The following DPF3 variants were observed in gnomAD, a reference collection of about 807,000 sequenced individuals.
The protein encoded by DPF3 is zinc finger protein DPF3.
DPF3 carries 18 observed loss-of-function variants against 56.8 expected under a neutral mutation model. That is an observed-to-expected ratio of 0.32 (90% CI 0.22 to 0.47). The LOEUF (loss-of-function observed/expected upper bound fraction) is 0.47, where lower values mean the gene tolerates loss of function less well. DPF3 is among the 20% of genes least tolerant of loss of function. DPF3 has a pLI of 1.00. For missense variants in DPF3, 403 were observed against 488.8 expected, an observed-to-expected ratio of 0.82 and a Z score of 1.65; for synonymous variants, 188 against 180.2, an observed-to-expected ratio of 1.04 and a Z score of -0.35.
intron 1 of DPF3, among the ~76,000 whole-genome samples, chr14:72,802,389 C>T (rs1191274060): frequency 6.6e-6 from 1 of 152,188 alleles, no homozygotes; most frequent in Non-Finnish European, 1.5e-5. Flanking sequence ...AGAGAGAACC[C>T]TTCACACAGC....
At chr14:72,795,912 T>C (rs1242437113) in intron 1 of DPF3, among the ~76,000 whole-genome samples, 1 of 152,222 alleles carries the variant, frequency 6.6e-6, no homozygotes, top group Non-Finnish European at 1.5e-5. Flanking sequence ...TTATAAACAA[T>C]TGCACTTTAT....
At chr14:72,881,155 G>T (rs1886306681) in intron 1 of DPF3, among the ~76,000 whole-genome samples, 1 of 152,214 alleles carries the variant, frequency 6.6e-6, no homozygotes, top group South Asian at 2.1e-4. Flanking sequence ...TGGAAGGCTG[G>T]GGTGAGCAGG....
chr14:72,758,179 A>C (rs990210779), intron 2 of DPF3, among the ~76,000 whole-genome samples: 3 of 152,234 alleles, frequency 2.0e-5, no homozygotes, highest in Admixed American at 6.5e-5. Flanking sequence ...GTTTCTGACT[A>C]AAATGGAGTA....
At chr14:72,825,467 C>G (rs1252055744) in intron 1 of DPF3, among the ~76,000 whole-genome samples, 1 of 152,252 alleles carries the variant, frequency 6.6e-6, no homozygotes, top group East Asian at 1.9e-4. Context: ...ACAGAGCACA[C>G]TCAAATTGTT....
chr14:72,713,168 C>T (rs1189105258), intron 6 of DPF3, among the ~76,000 whole-genome samples: 1 of 152,234 alleles, frequency 6.6e-6, no homozygotes, highest in Non-Finnish European at 1.5e-5. Context: ...ATGCCCTGCT[C>T]CTTCCTCATC....
intron 2 of DPF3, among the ~76,000 whole-genome samples, chr14:72,762,097 T>C (rs536364909): frequency 5.3e-5 from 8 of 151,972 alleles, no homozygotes; most frequent in South Asian, 4.1e-4. Context: ...ATGGATTCAC[T>C]GGTAAATGTT....
At position 72,674,257 on chromosome 14, in the gene DPF3, G is replaced by T; in HGVS notation, c.854C>A (p.Ala285Glu). Residue 285 changes from alanine (A) to glutamate (E), a missense_variant, in exon 8 of 11, where the codon GCA becomes GAA. Coordinates refer to ENST00000556509, the MANE Select transcript of DPF3 (RefSeq NM_001280542.3). ...ACACTCACCAGAGCGTCCACAGTCT[G>T]CGCAGGACACCAGCTCTTCAGGCCG... ...SGRPEELVSC[A>E]DCGRSGHPTC... is the part of the protein sequence containing the mutation. 1 of 1,612,826 alleles carries T rather than the reference G, an allele frequency of 6.2e-7. No individual in the cohort carries two copies. Among genetic ancestry groups the T allele is most frequent in the South Asian group, 1.1e-5 (1 of 90,686 alleles).
rs746586453 is a variant in DPF3 at position 72,847,221 on chromosome 14, G to A, written c.32+46836C>T. Among the ~76,000 whole-genome samples the A allele has an allele frequency of 7.2e-5, 11 of 152,172 alleles. No individual in the cohort carries two copies. In the South Asian group the frequency reaches 8.3e-4, roughly 11 times the overall value. On this transcript the variant is annotated intron_variant, in intron 1 of 10. Transcript: ENST00000556509. ...CTGAGCATTCACTCTGGACCAGACCGCGTCCTAAGAGCTTCACGTGTGTGG... is the reference window on the plus strand; with the variant it reads ...CTGAGCATTCACTCTGGACCAGACCACGTCCTAAGAGCTTCACGTGTGTGG...
At chr14:72,633,686 G>A (rs925123509) in intron 8 of DPF3, among the ~76,000 whole-genome samples, 2 of 152,110 alleles carry the variant, frequency 1.3e-5, no homozygotes, top group Non-Finnish European at 2.9e-5. Context: ...ATAATAACAC[G>A]CTTCAGTCAT....
At chr14:72,841,319 AG>A (rs1293986446) in intron 1 of DPF3, among the ~76,000 whole-genome samples, 4 of 152,202 alleles carry the variant, frequency 2.6e-5, no homozygotes, top group African/African-American at 9.7e-5. Flanking sequence ...GTTGTTTACA[AG>A]GAAAACTTAG....
intron 1 of DPF3, among the ~76,000 whole-genome samples, chr14:72,822,759 T>C (rs1444299803): frequency 6.6e-6 from 1 of 152,184 alleles, no homozygotes; most frequent in Non-Finnish European, 1.5e-5. Context: ...TTGAGTTTCT[T>C]AGAAGGAAGG....
chr14:72,846,481 G>T (rs952126377), intron 1 of DPF3, among the ~76,000 whole-genome samples: 1 of 151,884 alleles, frequency 6.6e-6, no homozygotes, highest in Non-Finnish European at 1.5e-5. Flanking sequence ...GACTACAGGC[G>T]CCCGCCACCA....
chr14:72,825,627 C>A (rs1219442191), intron 1 of DPF3, among the ~76,000 whole-genome samples: 1 of 152,198 alleles, frequency 6.6e-6, no homozygotes, highest in Non-Finnish European at 1.5e-5. Flanking sequence ...AAAGTCACAC[C>A]CTCAAGAAGG....
intron 1 of DPF3, among the ~76,000 whole-genome samples, chr14:72,877,582 T>C (rs1402889042): frequency 6.6e-6 from 1 of 152,138 alleles, no homozygotes; most frequent in Non-Finnish European, 1.5e-5. Flanking sequence ...GCTGCAAGGA[T>C]AGCAAGAGCT....
Position 72,849,252 on chromosome 14 carries a change from G to A in DPF3, c.32+44805C>T, listed in dbSNP as rs551519660. 8.5e-5 allele frequency among the ~76,000 whole-genome samples: 13 copies of A among 152,326 alleles called. No homozygotes were observed. In the South Asian group the frequency reaches 2.7e-3, roughly 32 times the overall value. ...TGTGCTTATCTCAATAGACGCCACAGGCACGGAGCTTCCACTGGTGGCTGT... is the reference window on the plus strand; with the variant it reads ...TGTGCTTATCTCAATAGACGCCACAAGCACGGAGCTTCCACTGGTGGCTGT... On this transcript the variant is annotated intron_variant, in intron 1 of 10. Transcript: ENST00000556509.
intron 7 of DPF3, among the ~76,000 whole-genome samples, chr14:72,684,871 G>A (rs1275615738): frequency 1.3e-5 from 2 of 152,182 alleles, no homozygotes; most frequent in African/African-American, 4.8e-5. Context: ...GGGGTCATGA[G>A]GGTGGGGTCC....
At position 72,892,172 on chromosome 14, in the gene DPF3, C is replaced by G. The variant is rs905226894; in HGVS notation, c.32+1885G>C. ...CTGGTGCACATGTGAAATAGGTTCTCTAACTTGAGTTTACCAGGTGGCATC... is the reference window on the plus strand; with the variant it reads ...CTGGTGCACATGTGAAATAGGTTCTGTAACTTGAGTTTACCAGGTGGCATC... On this transcript the variant is annotated intron_variant, in intron 1 of 10. Coordinates refer to ENST00000556509, the MANE Select transcript of DPF3 (RefSeq NM_001280542.3). 2.7e-5 allele frequency: 42 copies of G among 1,535,410 alleles called. No homozygotes were observed. In the African/African-American group the frequency reaches 5.2e-4, roughly 19 times the overall value.
intron 8 of DPF3, among the ~76,000 whole-genome samples, chr14:72,656,521 A>G (rs544569815): frequency 6.6e-6 from 1 of 152,322 alleles, no homozygotes; most frequent in South Asian, 2.1e-4. Flanking sequence ...AGTATTTCCT[A>G]GTCTGGTGTA....
intron 6 of DPF3, among the ~76,000 whole-genome samples, chr14:72,699,239 G>T (rs1339528976): frequency 1.3e-5 from 2 of 152,120 alleles, no homozygotes; most frequent in South Asian, 2.1e-4. Context: ...TTTAGAAAGG[G>T]TTGAGTGTGG....
Sources: allele counts gnomAD v4.1 joint callset (sites outside exome capture counted in the v4.1 genomes callset), GRCh38; gene constraint gnomAD v4.1.1; transcripts MANE v1.5; gene names NCBI Gene and HGNC (gene_info 2026-07-23, HGNC 2026-07-21).